The following GRM3 variants were observed in gnomAD, a reference collection of about 807,000 sequenced individuals.
GRM3 encodes the protein glutamate metabotropic receptor 3.
Under a neutral mutation model 70.5 loss-of-function variants are expected in GRM3, and 26 were observed. That is an observed-to-expected ratio of 0.37 (90% CI 0.27 to 0.51). The LOEUF is 0.51. Ranked by LOEUF, GRM3 falls within the 20% of genes least tolerant of loss-of-function variation. The pLI is 0.93. For missense variants in GRM3, 859 were observed against 1,123.8 expected, an observed-to-expected ratio of 0.76 and a Z score of 3.37; for synonymous variants, 443 against 434.9, an observed-to-expected ratio of 1.02 and a Z score of -0.23.
chr7:86,686,606 T>G (rs11772736), intron 1 of GRM3, among the ~76,000 whole-genome samples: 44,685 of 152,126 alleles, frequency 0.29, 8,521 homozygotes, highest in East Asian at 0.72. Context: ...TATTATGTAA[T>G]CAGCCCTAAC....
chr7:86,734,964 G>C (rs185138127), intron 1 of GRM3, among the ~76,000 whole-genome samples: 4 of 152,100 alleles, frequency 2.6e-5, no homozygotes, highest in South Asian at 2.1e-4. Context: ...ATGTGTGAAG[G>C]CTTATTATTA....
chr7:86,787,137 C>G (rs1261558347), intron 3 of GRM3, 21 bp downstream of exon 3: 3 of 1,572,200 alleles, frequency 1.9e-6, no homozygotes, highest in Non-Finnish European at 2.6e-6. Context: ...AGCCTTTAAA[C>G]ATCTTCTCAG....
chr7:86,812,519 T>G (rs1797932994), intron 3 of GRM3, among the ~76,000 whole-genome samples: 1 of 151,818 alleles, frequency 6.6e-6, no homozygotes, highest in Non-Finnish European at 1.5e-5. Flanking sequence ...GAATTTAAAA[T>G]CTACTCTCAG....
chr7:86,814,453 A>T (rs1484443023), intron 3 of GRM3, among the ~76,000 whole-genome samples: 11 of 151,720 alleles, frequency 7.3e-5, no homozygotes, highest in Admixed American at 5.9e-4. Flanking sequence ...CTTAGCTCCC[A>T]TATATCAATG....
chr7:86,844,351 T>C (rs1269626967), intron 4 of GRM3, among the ~76,000 whole-genome samples: 1 of 152,154 alleles, frequency 6.6e-6, no homozygotes, highest in African/African-American at 2.4e-5. Context: ...GTTCAAACAC[T>C]CTTAAACAAA....
At chr7:86,814,700 A>G (rs1286759120) in intron 3 of GRM3, among the ~76,000 whole-genome samples, 2 of 151,572 alleles carry the variant, frequency 1.3e-5, no homozygotes, top group Non-Finnish European at 3.0e-5. Context: ...TGCTATATTT[A>G]CCAAATAGCT....
At chr7:86,730,543 C>T (rs1795708794) in intron 1 of GRM3, among the ~76,000 whole-genome samples, 1 of 152,250 alleles carries the variant, frequency 6.6e-6, no homozygotes. Flanking sequence ...TCCAGCATTG[C>T]ACCTGTTACT....
At chr7:86,843,798 T>C (rs1798603279) in intron 4 of GRM3, among the ~76,000 whole-genome samples, 1 of 152,144 alleles carries the variant, frequency 6.6e-6, no homozygotes, top group Non-Finnish European at 1.5e-5. Context: ...GGAGCATAAA[T>C]AATGAATGAA....
chr7:86,775,603 A>G (rs1200221485), intron 2 of GRM3, among the ~76,000 whole-genome samples: 1 of 152,096 alleles, frequency 6.6e-6, no homozygotes, highest in Non-Finnish European at 1.5e-5. Context: ...TCTCTTAAAG[A>G]ACAAAGTTCA....
chr7:86,717,743 CT>C (rs1795354769), intron 1 of GRM3, among the ~76,000 whole-genome samples: 1 of 151,832 alleles, frequency 6.6e-6, no homozygotes, highest in Admixed American at 6.6e-5. Flanking sequence ...TCAAGGTTTA[CT>C]AAACTCTAAG....
At chr7:86,761,648 G>A (rs150094914) in intron 1 of GRM3, among the ~76,000 whole-genome samples, 60 of 152,204 alleles carry the variant, frequency 3.9e-4, no homozygotes, top group African/African-American at 1.4e-3. Flanking sequence ...ATACCAGAAC[G>A]TAAACAAAGA....
chr7:86,689,297 T>C (rs540605222), intron 1 of GRM3, among the ~76,000 whole-genome samples: 6 of 152,064 alleles, frequency 3.9e-5, no homozygotes, highest in African/African-American at 1.4e-4. Flanking sequence ...ACTAAGCTCC[T>C]GAGGTTAAAA....
At chr7:86,841,186 C>T (rs1412408774) in intron 4 of GRM3, among the ~76,000 whole-genome samples, 1 of 151,976 alleles carries the variant, frequency 6.6e-6, no homozygotes, top group East Asian at 1.9e-4. Context: ...TAAAAAAAGG[C>T]AAATCTGTTT....
intron 1 of GRM3, among the ~76,000 whole-genome samples, chr7:86,717,226 C>A (rs1795338960): frequency 6.6e-6 from 1 of 151,968 alleles, no homozygotes; most frequent in Admixed American, 6.6e-5. Flanking sequence ...AAATAGCACT[C>A]ATTTTAGTTT....
chr7:86,735,736 T>C (rs577136733), intron 1 of GRM3, among the ~76,000 whole-genome samples: 1 of 152,278 alleles, frequency 6.6e-6, no homozygotes, highest in South Asian at 2.1e-4. Context: ...TACACAACAC[T>C]GCCTTTCACA....
At chr7:86,649,380 T>G (rs1158094750) in intron 1 of GRM3, among the ~76,000 whole-genome samples, 1 of 152,196 alleles carries the variant, frequency 6.6e-6, no homozygotes, top group East Asian at 1.9e-4. Context: ...ACAATCTTTT[T>G]ATTGAACTGG....
At chr7:86,774,219 G>C (rs1294881704) in intron 2 of GRM3, among the ~76,000 whole-genome samples, 1 of 151,996 alleles carries the variant, frequency 6.6e-6, no homozygotes, top group African/African-American at 2.4e-5. Context: ...AAAGAGCAGC[G>C]GTTAGCAGTT....
At chr7:86,814,056 T>C (rs1035394961) in intron 3 of GRM3, among the ~76,000 whole-genome samples, 1 of 151,686 alleles carries the variant, frequency 6.6e-6, no homozygotes, top group Non-Finnish European at 1.5e-5. Context: ...AGACTATAAA[T>C]CATCTATAAG....
At chr7:86,721,571 G>GA (rs1163300119) in intron 1 of GRM3, among the ~76,000 whole-genome samples, 9 of 143,802 alleles carry the variant, frequency 6.3e-5, no homozygotes, top group African/African-American at 1.8e-4. Flanking sequence ...AGTTAAACAT[G>GA]AAAAAATATG....
Sources: gnomAD v4.1 joint callset for allele counts (sites outside exome capture counted in the v4.1 genomes callset) on GRCh38, gnomAD v4.1.1 for gene constraint, MANE v1.5 for transcripts, NCBI Gene and HGNC (gene_info 2026-07-23, HGNC 2026-07-21) for gene names.